USP43: variants seen among roughly 807,000 people sequenced by gnomAD.
The protein encoded by USP43 is ubiquitin specific peptidase 43, also known as ubiquitin carboxyl-terminal hydrolase 43.
USP43 carries 33 observed loss-of-function variants against 90.7 expected under a neutral mutation model. The observed-to-expected ratio is 0.36, with a 90% CI of 0.28 to 0.49. The LOEUF is 0.49. Among genes scored for constraint, USP43 ranks in the 20% least tolerant of loss-of-function variants. The probability of loss-of-function intolerance (pLI) is 0.98; values close to 1 mark genes in which losing one functional copy is unlikely to be tolerated. For missense variants in USP43, 1,274 were observed against 1,476.4 expected, an observed-to-expected ratio of 0.86 and a Z score of 2.25; for synonymous variants, 598 against 615.8, an observed-to-expected ratio of 0.97 and a Z score of 0.43.
At chr17:9,673,055 A>C (rs2151971373) in intron 3 of USP43, among the ~76,000 whole-genome samples, 1 of 152,344 alleles carries the variant, frequency 6.6e-6, no homozygotes, top group Non-Finnish European at 1.5e-5. Flanking sequence ...TAGACTTCAG[A>C]GTCAGACTGC....
intron 3 of USP43, among the ~76,000 whole-genome samples, chr17:9,670,244 G>C (rs996746716): frequency 1.3e-5 from 2 of 151,988 alleles, no homozygotes; most frequent in African/African-American, 4.8e-5. Context: ...TCATCATGCT[G>C]GCCAGGCTGG....
upstream of USP43, chr17:9,645,514 C>A: frequency 6.9e-6 from 7 of 1,013,426 alleles, no homozygotes; most frequent in East Asian, 4.8e-5. The surrounding 1 kb of genome is among the most constrained non-coding windows in gnomAD (Gnocchi z 6.8). Flanking sequence ...GCCCCGTCCC[C>A]GCACACCTGG....
At position 9,701,334 on chromosome 17, in the gene USP43, G is replaced by T; in HGVS notation, c.1663-18G>T. 3 of 1,589,250 alleles carry T rather than the reference G, an allele frequency of 1.9e-6. No homozygotes were observed. The highest frequency in any genetic ancestry group is 2.6e-6 in the Non-Finnish European group (3 of 1,167,582). ...ACGTGCTGCGGGGGCCTCACAGTCC[G>T]GGTGGTTTGCTTTCCAGCTGGCCCA... On this transcript the variant is annotated intron_variant, in intron 11 of 14. Coordinates refer to ENST00000285199, the MANE Select transcript of USP43 (RefSeq NM_153210.5). The surrounding 1 kb of genome is among the most constrained non-coding windows in gnomAD (Gnocchi z 7.2).
intron 14 of USP43, among the ~76,000 whole-genome samples, chr17:9,716,291 TTATA>T (rs1347585932): frequency 6.6e-6 from 1 of 152,120 alleles, no homozygotes; most frequent in East Asian, 1.9e-4. Flanking sequence ...TTGCATACAA[TTATA>T]TATATAAGTA....
At chr17:9,673,539 C>T (rs1913576501) in intron 3 of USP43, among the ~76,000 whole-genome samples, 1 of 152,028 alleles carries the variant, frequency 6.6e-6, no homozygotes, top group African/African-American at 2.4e-5. Flanking sequence ...TTGCATTTCA[C>T]TTTCAGAGAT....
chr17:9,666,662 C>T lies in USP43; in HGVS notation c.651C>T (p.Ala217=). ...TTTCTTTGCAGCTTCCGCCTGAAGCCACTAAAACCTCTGAGAACTGCCTGT... is the reference window on the plus strand; with the variant it reads ...TTTCTTTGCAGCTTCCGCCTGAAGCTACTAAAACCTCTGAGAACTGCCTGT... ...GPVSEKLPPE[A]TKTSENCLSP... is the part of the protein sequence containing the mutation. Residue 217 remains alanine, a synonymous_variant, in exon 3 of 15, where the codon GCC becomes GCT. Transcript: ENST00000285199. 1 of 1,612,872 alleles carries T rather than the reference C, an allele frequency of 6.2e-7. No individual in the cohort carries two copies. The highest frequency in any genetic ancestry group is 1.7e-5 in the Admixed American group (1 of 59,874).
intron 6 of USP43, among the ~76,000 whole-genome samples, chr17:9,681,343 TATAAATA>T (rs1173246018): frequency 8.6e-6 from 1 of 115,838 alleles, no homozygotes; most frequent in African/African-American, 3.3e-5. Context: ...TAAATATATA[TATAAATA>T]AAATAAATAA....
chr17:9,708,234 G>A (rs774624663), intron 12 of USP43, among the ~76,000 whole-genome samples: 3 of 152,178 alleles, frequency 2.0e-5, no homozygotes, highest in Non-Finnish European at 4.4e-5. Context: ...TCTAGGCCAC[G>A]GATGGGAGTT....
intron 14 of USP43, among the ~76,000 whole-genome samples, chr17:9,725,792 G>A (rs893407685): frequency 7.2e-5 from 11 of 152,122 alleles, no homozygotes; most frequent in South Asian, 2.1e-4. Flanking sequence ...GCCACCTGCC[G>A]GGGCTCCAGG....
intron 9 of USP43, among the ~76,000 whole-genome samples, chr17:9,697,302 A>C (rs987810432): frequency 3.9e-5 from 6 of 152,010 alleles, no homozygotes; most frequent in African/African-American, 1.4e-4. Context: ...TATTTCTATA[A>C]CTTTCTTGGG....
intron 1 of USP43, among the ~76,000 whole-genome samples, chr17:9,648,453 T>C (rs1401205286): frequency 1.3e-5 from 2 of 152,172 alleles, no homozygotes; most frequent in Non-Finnish European, 2.9e-5. Context: ...GAGGTAGAAA[T>C]GGATGTTAAT....
rs1427983518 is a variant in USP43, at chr17:9,693,148, A to G, written c.1375A>G (p.Ile459Val). 1 of 1,613,414 alleles carries G rather than the reference A, an allele frequency of 6.2e-7. No individual in the cohort carries two copies. Among genetic ancestry groups the G allele is most frequent in the Admixed American group, 1.7e-5 (1 of 59,948 alleles). The change falls in exon 9 of 15, where the codon ATC becomes GTC. Residue 459 changes from isoleucine (I) to valine (V), a missense_variant. Physicochemically the swap from Ile to Val is conservative, Grantham distance 29. This residue lies in a region of USP43 where 253 missense variants were observed against 276.0 expected (regional missense o/e 0.92). Transcript: ENST00000285199. ...PVQNLGSLFS[I>V]RVVGLSVACS... The stretch of plus-strand genomic sequence containing the variant: ...GCAGAACCTGGGGTCTCTGTTCTCC[A>G]TCCGTGTTGTGGGACTCTCTGTGGC...
chr17:9,723,198 T>C (rs999724124), intron 14 of USP43, among the ~76,000 whole-genome samples: 3 of 152,110 alleles, frequency 2.0e-5, no homozygotes, highest in African/African-American at 7.2e-5. Context: ...CAGGCTTTTT[T>C]TGTTTACAGG....
In USP43 at chr17:9,686,818, T is replaced by C. The variant is rs961630033; in HGVS notation, c.1262T>C (p.Ile421Thr). Residue 421 changes from isoleucine (I) to threonine (T), a missense_variant, in exon 8 of 15, where the codon ATA becomes ACA. By Grantham distance (89) the Ile-to-Thr change is moderately conservative. Around this residue, in one of 6 missense-constraint regions of USP43, gnomAD observed 253 missense variants for 276.0 expected, o/e 0.92. Coordinates refer to ENST00000285199, the MANE Select transcript of USP43 (RefSeq NM_153210.5). This position sits in a 1 kb window ranked among gnomAD's most constrained non-coding sequence, Gnocchi z 5.5. ...QASRFGPPFL[I>T]REDRAVSWAQ... ...TTCAGGTTTGGGCCACCCTTCCTGATAAGGGAAGACAGAGCTGTTTCCTGG... is the reference window on the plus strand; with the variant it reads ...TTCAGGTTTGGGCCACCCTTCCTGACAAGGGAAGACAGAGCTGTTTCCTGG... 5 of 1,613,820 alleles carry C rather than the reference T, an allele frequency of 3.1e-6. No individual in the cohort carries two copies. In the African/African-American group the frequency reaches 6.7e-5, roughly 22 times the overall value.
chr17:9,715,378 G>A (rs932542330), intron 14 of USP43, among the ~76,000 whole-genome samples: 3 of 152,150 alleles, frequency 2.0e-5, no homozygotes, highest in African/African-American at 7.2e-5. Context: ...TCTTGAGCTT[G>A]GGAAGTTAGG....
intron 7 of USP43, among the ~76,000 whole-genome samples, chr17:9,683,392 A>G (rs1282222434): frequency 6.6e-6 from 1 of 150,602 alleles, no homozygotes; most frequent in Admixed American, 6.6e-5. Flanking sequence ...GCTTTCTTAT[A>G]TAGCCCAAAT....
chr17:9,670,692 G>A (rs1036918361), intron 3 of USP43, among the ~76,000 whole-genome samples: 4 of 152,250 alleles, frequency 2.6e-5, no homozygotes, highest in South Asian at 2.1e-4. Context: ...CTGACTTGGC[G>A]TGGGATGAAT....
Position 9,645,653 on chromosome 17 carries a change from C to T in USP43, c.21C>T (p.Asp7=). Reference sequence around the variant, plus strand: ...CAGCCATGGACCTGGGCCCCGGGGACGCGGCAGGAGGGGGACCGCTCGCGC... The same window carrying T: ...CAGCCATGGACCTGGGCCCCGGGGATGCGGCAGGAGGGGGACCGCTCGCGC... The part of the protein sequence containing the change: MDLGPG[D]AAGGGPLAPR... The change falls in exon 1 of 15, where the codon GAC becomes GAT. Residue 7 remains aspartate, a synonymous_variant. Transcript: ENST00000285199. The surrounding 1 kb of genome is among the most constrained non-coding windows in gnomAD (Gnocchi z 6.8). 2.4e-6 allele frequency: 3 copies of T among 1,233,806 alleles called. No individual in the cohort carries two copies. Among genetic ancestry groups the T allele is most frequent in the East Asian group, 3.4e-5 (1 of 29,364 alleles). 76.4% of individuals were successfully genotyped at this position (1,233,806 alleles called of 1,614,324 possible).
At chr17:9,726,514 C>A (rs1597903221) in intron 14 of USP43, among the ~76,000 whole-genome samples, 1 of 152,198 alleles carries the variant, frequency 6.6e-6, no homozygotes, top group African/African-American at 2.4e-5. Flanking sequence ...TGGAGAGGTT[C>A]TTCCCGGCTG....
Sources: allele counts gnomAD v4.1 joint callset (sites outside exome capture counted in the v4.1 genomes callset), GRCh38; gene constraint gnomAD v4.1.1; regional missense constraint gnomAD v4.1.1; non-coding constraint Gnocchi (gnomAD v3.1); transcripts MANE v1.5; gene names NCBI Gene and HGNC (gene_info 2026-07-23, HGNC 2026-07-21).